Variants in ERCC6L2 observed in about 807,000 individuals in gnomAD.
ERCC6L2 encodes ERCC excision repair 6 like 2.
Under a neutral mutation model 132.0 loss-of-function variants are expected in ERCC6L2, and 77 were observed. That is an observed-to-expected ratio of 0.58 (90% CI 0.49 to 0.71). The LOEUF (loss-of-function observed/expected upper bound fraction) is 0.71, where lower values mean the gene tolerates loss of function less well. ERCC6L2 is among the 30% of genes least tolerant of loss of function. The pLI is 0.00. For missense variants in ERCC6L2, 1,542 were observed against 1,837.6 expected (o/e 0.84, Z 2.94); for synonymous variants, 583 against 632.4 (o/e 0.92, Z 1.17).
chr9:95,917,345 G>A (rs1829649538), intron 6 of ERCC6L2, among the ~76,000 whole-genome samples: 2 of 152,032 alleles, frequency 1.3e-5, no homozygotes, highest in South Asian at 4.2e-4. Context: ...TTCTAGCTTG[G>A]GCAATGGAAT....
chr9:95,930,284 A>G (rs966419950), intron 11 of ERCC6L2, among the ~76,000 whole-genome samples: 1 of 152,088 alleles, frequency 6.6e-6, no homozygotes, highest in African/African-American at 2.4e-5. Flanking sequence ...AGACAAGGGA[A>G]AAAGTTTTGG....
At chr9:96,030,966 G>A (rs1272051077) in intron 19 of ERCC6L2, among the ~76,000 whole-genome samples, 2 of 152,108 alleles carry the variant, frequency 1.3e-5, no homozygotes, top group Admixed American at 6.5e-5. Flanking sequence ...GGTGCTTGTC[G>A]CGCCCCCTGC....
In ERCC6L2 at chr9:95,933,464, A is replaced by C. The variant is rs549057324; in HGVS notation, c.1751+4600A>C. Among the ~76,000 whole-genome samples the C allele has an allele frequency of 3.9e-5, 6 of 152,316 alleles. 1 individual carries two copies. In the East Asian group the frequency reaches 9.6e-4, roughly 24 times the overall value. On this transcript the variant is annotated intron_variant, in intron 11 of 18. Transcript: ENST00000653738. ...AGGACATTTGGGTTTGAATCGAGACACTTGCTACTTAGGAGACCTTGAACA... is the reference window on the plus strand; with the variant it reads ...AGGACATTTGGGTTTGAATCGAGACCCTTGCTACTTAGGAGACCTTGAACA...
At chr9:95,979,266 C>T (rs1832795088) in intron 17 of ERCC6L2, among the ~76,000 whole-genome samples, 1 of 152,144 alleles carries the variant, frequency 6.6e-6, no homozygotes, top group South Asian at 2.1e-4. Context: ...GAATGCCTAG[C>T]TGGCATTAAT....
chr9:95,956,989 A>C (rs539107339), intron 13 of ERCC6L2, among the ~76,000 whole-genome samples: 1 of 152,288 alleles, frequency 6.6e-6, no homozygotes, highest in African/African-American at 2.4e-5. Flanking sequence ...TACATGATGA[A>C]ACTGGGACCC....
intron 11 of ERCC6L2, among the ~76,000 whole-genome samples, chr9:95,937,407 T>G (rs1487683666): frequency 6.6e-6 from 1 of 152,108 alleles, no homozygotes; most frequent in African/African-American, 2.4e-5. Flanking sequence ...GTGCTTCTTG[T>G]ATAAAGCTGG....
At chr9:95,961,751 G>C (rs1253955189) in intron 13 of ERCC6L2, among the ~76,000 whole-genome samples, 2 of 152,116 alleles carry the variant, frequency 1.3e-5, no homozygotes, top group Non-Finnish European at 2.9e-5. Context: ...TGCTGGTAAA[G>C]ACATACCAGA....
chr9:95,988,834 T>G (rs1223757009), intron 17 of ERCC6L2, among the ~76,000 whole-genome samples: 1 of 152,180 alleles, frequency 6.6e-6, no homozygotes, highest in Non-Finnish European at 1.5e-5. Context: ...TCCAACAGGT[T>G]GAACACTCAG....
intron 4 of ERCC6L2, among the ~76,000 whole-genome samples, chr9:95,910,726 A>G (rs1829302632): frequency 1.3e-5 from 2 of 152,180 alleles, no homozygotes; most frequent in African/African-American, 4.8e-5. Context: ...CACTTTTGTC[A>G]GGTCTGGGAT....
intron 18 of ERCC6L2, among the ~76,000 whole-genome samples, chr9:96,009,131 G>A (rs1833949285): frequency 6.6e-6 from 1 of 152,236 alleles, no homozygotes. Context: ...AGCACCTGCT[G>A]TGGTCGGGGA....
At chr9:95,941,766 T>A (rs1281552665) in intron 12 of ERCC6L2, among the ~76,000 whole-genome samples, 2 of 152,018 alleles carry the variant, frequency 1.3e-5, no homozygotes, top group Non-Finnish European at 2.9e-5. Flanking sequence ...ATGACAGAAA[T>A]GACTTAAGAA....
At chr9:95,935,402 T>C (rs778227167) in intron 11 of ERCC6L2, among the ~76,000 whole-genome samples, 7 of 152,180 alleles carry the variant, frequency 4.6e-5, no homozygotes, top group Non-Finnish European at 8.8e-5. Context: ...TCATGAGTTA[T>C]TTTAACGAAG....
intron 2 of ERCC6L2, among the ~76,000 whole-genome samples, chr9:95,883,172 CTCAT>C (rs1484216248): frequency 6.6e-6 from 1 of 152,178 alleles, no homozygotes; most frequent in African/African-American, 2.4e-5. Flanking sequence ...CACCAGGCCT[CTCAT>C]TCATCAGATT....
rs542181150 is a variant in ERCC6L2 at position 95,972,705 on chromosome 9, A to T, written c.2954A>T (p.Asp985Val). The change falls in exon 16 of 19, where the codon GAC becomes GTC. Residue 985 changes from aspartate (D) to valine (V), a missense_variant. Transcript: ENST00000653738. Reference sequence around the variant, plus strand: ...AGTGATATCAGTGATGAATCTGATGACATTGAAATTTCTTCCAAGTCAAGA... The same window carrying T: ...AGTGATATCAGTGATGAATCTGATGTCATTGAAATTTCTTCCAAGTCAAGA... ...GTSDISDESDDIEISSKSRVR... is the reference protein window; with the variant it reads ...GTSDISDESDVIEISSKSRVR... The T allele has an allele frequency of 8.4e-5, 110 of 1,301,924 alleles. No individual in the cohort carries two copies. The highest frequency in any genetic ancestry group is 6.1e-5 in the African/African-American group (4 of 65,988). 80.6% of individuals were successfully genotyped at this position (1,301,924 alleles called of 1,614,324 possible).
At chr9:96,004,796 A>G in intron 18 of ERCC6L2, 95 bp downstream of exon 18, 1 of 787,884 alleles carries the variant, frequency 1.3e-6, no homozygotes, top group Non-Finnish European at 1.8e-6. Flanking sequence ...TTATAACCAT[A>G]ACTGACATCT....
At chr9:95,978,541 G>T (rs1228637505) in intron 17 of ERCC6L2, among the ~76,000 whole-genome samples, 1 of 152,152 alleles carries the variant, frequency 6.6e-6, no homozygotes, top group Non-Finnish European at 1.5e-5. Flanking sequence ...CTGCTTATAT[G>T]GAAAAAGGAA....
chr9:95,875,950 G>T lies in ERCC6L2; in HGVS notation c.-89G>T. 1.4e-6 allele frequency: 2 copies of T among 1,427,986 alleles called. No individual in the cohort carries two copies. The highest frequency in any genetic ancestry group is 1.4e-5 in the African/African-American group (1 of 71,064). The allele number at this position is 1,427,986 out of a possible 1,614,324, so 88.5% of individuals were successfully genotyped here. On this transcript the variant is annotated 5_prime_UTR_variant, in exon 1 of 19. Transcript: ENST00000653738. ...AGGGCGGCCGGAAGTGGCGTTGGCCGCCATTGGCCTGCCGGCCAGCCACCT... is the reference window on the plus strand; with the variant it reads ...AGGGCGGCCGGAAGTGGCGTTGGCCTCCATTGGCCTGCCGGCCAGCCACCT...
intron 2 of ERCC6L2, among the ~76,000 whole-genome samples, chr9:95,884,873 C>T (rs747993198): frequency 6.6e-6 from 1 of 151,984 alleles, no homozygotes; most frequent in Admixed American, 6.6e-5. Context: ...AAGAGAGAGA[C>T]GAGAATTTGA....
rs377612561 is a variant in ERCC6L2 at position 96,012,460 on chromosome 9, A to G, written c.3910A>G (p.Ile1304Val). Residue 1304 changes from isoleucine to valine, a missense_variant, in exon 19 of 19, where the codon ATA becomes GTA. Around this residue, in one of 4 missense-constraint regions of ERCC6L2, gnomAD observed 442 missense variants for 583.4 expected, o/e 0.76. Transcript: ENST00000653738. ...GAAATCTGATAAAAGAGAATCTCTT[A>G]TAAAACCAAGGCTGTCAGATTCTGA... ...RKKSDKRESL[I>V]KPRLSDSETL... 5.9e-6 allele frequency: 8 copies of G among 1,366,982 alleles called. No individual in the cohort carries two copies. The highest frequency in any genetic ancestry group is 7.8e-6 in the Non-Finnish European group (8 of 1,021,692). 84.7% of individuals were successfully genotyped at this position (1,366,982 alleles called of 1,614,324 possible). A position where few individuals can be genotyped will look rare whatever the true frequency, so the allele number is the denominator to read the frequency against.
Sources: allele counts gnomAD v4.1 joint callset (sites outside exome capture counted in the v4.1 genomes callset), GRCh38; gene constraint gnomAD v4.1.1; regional missense constraint gnomAD v4.1.1; transcripts MANE v1.5; gene names NCBI Gene and HGNC (gene_info 2026-07-23, HGNC 2026-07-21).